The following IQSEC2 variants were observed in gnomAD, a reference collection of about 807,000 sequenced individuals.
IQSEC2 encodes IQ motif and SEC7 domain-containing protein 2.
Under a neutral mutation model 74.6 loss-of-function variants are expected in IQSEC2, and 6 were observed. That is an observed-to-expected ratio of 0.08 (90% CI 0.04 to 0.16). The LOEUF (loss-of-function observed/expected upper bound fraction) is 0.16, where lower values mean the gene tolerates loss of function less well. Among genes scored for constraint, IQSEC2 ranks in the 10% least tolerant of loss-of-function variants. The pLI, the probability that IQSEC2 is intolerant of heterozygous loss-of-function variation, is 1.00. For missense variants in IQSEC2, 734 were observed against 1,306.2 expected, an observed-to-expected ratio of 0.56 and a Z score of 6.75; for synonymous variants, 494 against 544.5, an observed-to-expected ratio of 0.91 and a Z score of 1.29.
At chrX:53,267,197 T>C in intron 2 of IQSEC2, 4 of 966,083 alleles carry the variant, frequency 4.1e-6, no homozygotes, top group Non-Finnish European at 4.1e-6. Flanking sequence ...AGAATGGGGG[T>C]CAGGGTGGGG....
intron 2 of IQSEC2, among the ~76,000 whole-genome samples, chrX:53,258,342 G>T (rs1189761894): frequency 8.9e-6 from 1 of 111,841 alleles, no homozygotes; most frequent in Non-Finnish European, 1.9e-5. Context: ...ATGACTCCCA[G>T]AATCCCAGCT....
Position 53,234,948 on chromosome X carries a change from ATGGTGGTGG to A in IQSEC2, c.3729_3737del (p.His1245_His1247del), listed in dbSNP as rs782189881. On this transcript the variant is annotated inframe_deletion, in exon 15 of 15. Coordinates refer to ENST00000642864, the MANE Select transcript of IQSEC2 (RefSeq NM_001111125.3). ...CCAGGCCACCGTGGCTATGGCCATG[ATGGTGGTGG>A]TGGTGGTGGTGGTGCGTGGAAGAAG... is the stretch of plus-strand genomic sequence containing the variant. The A allele has an allele frequency of 2.6e-6, 3 of 1,164,102 alleles. No individual in the cohort carries two copies. The highest frequency in any genetic ancestry group is 2.6e-5 in the Admixed American group (1 of 38,699).
chrX:53,287,724 G>A (rs1485985351), intron 2 of IQSEC2, among the ~76,000 whole-genome samples: 6 of 112,610 alleles, frequency 5.3e-5, no homozygotes, highest in Non-Finnish European at 9.4e-5. Context: ...AAGGGGAGGG[G>A]AAGAGAGAGA....
At chrX:53,303,193 ACT>A (rs2075228126) in intron 1 of IQSEC2, among the ~76,000 whole-genome samples, 1 of 102,214 alleles carries the variant, frequency 9.8e-6, no homozygotes, top group Non-Finnish European at 2.0e-5. Flanking sequence ...ACACAGTGAG[ACT>A]CTGTCAAAAA....
At chrX:53,313,792 T>C (rs1221076727) in intron 1 of IQSEC2, among the ~76,000 whole-genome samples, 10 of 111,770 alleles carry the variant, frequency 8.9e-5, no homozygotes, top group African/African-American at 3.3e-4. Flanking sequence ...AACAGAAGAC[T>C]TGGCATCGAG....
At chrX:53,247,286 C>T in intron 7 of IQSEC2, 151 bp from the exon 8 acceptor site, 1 of 519,301 alleles carries the variant, frequency 1.9e-6, no homozygotes, top group South Asian at 3.0e-5. Flanking sequence ...CCTAGACCAG[C>T]ATGTAAAAAT....
chrX:53,261,771 CAAAT>C (rs1471855724), intron 2 of IQSEC2, among the ~76,000 whole-genome samples: 2 of 111,666 alleles, frequency 1.8e-5, no homozygotes, highest in African/African-American at 3.3e-5. Flanking sequence ...CTATGCTACA[CAAAT>C]AACCACAGTA....
downstream of IQSEC2, chrX:53,226,056 C>T (rs1409764166): frequency 1.8e-5 from 2 of 112,812 alleles, no homozygotes; most frequent in Non-Finnish European, 3.7e-5. Flanking sequence ...TGTAAAACAC[C>T]TGTTTGCCCA....
At chrX:53,256,955 A>G (rs1556865426) in intron 2 of IQSEC2, among the ~76,000 whole-genome samples, 2 of 112,046 alleles carry the variant, frequency 1.8e-5, no homozygotes, top group African/African-American at 6.5e-5. Flanking sequence ...TGCCATGGCA[A>G]CCAGGCTGCC....
At chrX:53,269,276 G>A (rs1458512996) in intron 2 of IQSEC2, among the ~76,000 whole-genome samples, 3 of 111,635 alleles carry the variant, frequency 2.7e-5, no homozygotes, top group African/African-American at 6.5e-5. Context: ...CCGTTCCCTT[G>A]GCCAGGGCTC....
rs782346624 is a variant in IQSEC2, at chrX:53,281,146, G to C, written c.737+10749C>G. Among the ~76,000 whole-genome samples, 7 of 112,659 alleles carry C rather than the reference G, an allele frequency of 6.2e-5. No homozygotes were observed. In the South Asian group the frequency reaches 2.5e-3, roughly 41 times the overall value. On this transcript the variant is annotated intron_variant, in intron 2 of 14. Transcript: ENST00000642864. ...ATCTCTTTTGAATCTGAGACTCAGA[G>C]ACTCTTAGGCTGCTGGAATGTTGGT...
In IQSEC2 at chrX:53,265,627, C is replaced by T. The variant is rs2074644521; in HGVS notation, c.738-9566G>A. 1.8e-5 allele frequency among the ~76,000 whole-genome samples: 2 copies of T among 111,427 alleles called. 1 individual carries two copies. The highest frequency in any genetic ancestry group is 7.6e-4 in the South Asian group (2 of 2,636). On this transcript the variant is annotated intron_variant, in intron 2 of 14. Coordinates refer to ENST00000642864, the MANE Select transcript of IQSEC2 (RefSeq NM_001111125.3). ...AAAAGTCGGGGGTATGAGCCCACTT[C>T]AGACACATCATGGAAGGTGTGAGTC...
At chrX:53,295,326 C>T (rs1164685700) in intron 1 of IQSEC2, among the ~76,000 whole-genome samples, 3 of 111,447 alleles carry the variant, frequency 2.7e-5, no homozygotes, top group East Asian at 2.8e-4. Context: ...AGAATTTGGC[C>T]GGGCGCCATG....
In IQSEC2 at chrX:53,278,135, C is replaced by T. The variant is rs868988816; in HGVS notation, c.737+13760G>A. Among the ~76,000 whole-genome samples the T allele has an allele frequency of 9.5e-5, 10 of 105,617 alleles. 1 individual carries two copies. Among genetic ancestry groups the T allele is most frequent in the Middle Eastern group, 9.7e-3 (2 of 206 alleles). The allele number at this position is 105,617 out of a possible 115,157, so 91.7% of individuals were successfully genotyped here. A position where few individuals can be genotyped will look rare whatever the true frequency, so the allele number is the denominator to read the frequency against. ...AAGCCCTTCTCCTGCCTCAGCCTCT[C>T]GAGTAGCTGGGACTACAGGCACCCG... On this transcript the variant is annotated intron_variant, in intron 2 of 14. Transcript: ENST00000642864.
intron 2 of IQSEC2, among the ~76,000 whole-genome samples, chrX:53,288,466 C>G (rs201543997): frequency 1.9e-5 from 2 of 106,557 alleles, no homozygotes; most frequent in African/African-American, 6.9e-5. Context: ...CCAGCCTGGT[C>G]CCCAGGGCCA....
At chrX:53,300,308 C>T (rs949607804) in intron 1 of IQSEC2, among the ~76,000 whole-genome samples, 1 of 111,557 alleles carries the variant, frequency 9.0e-6, no homozygotes, top group Admixed American at 9.6e-5. Context: ...TAACAGGAAG[C>T]TCCCTTTCTT....
At chrX:53,249,163 T>C (rs2074349326) in intron 5 of IQSEC2, among the ~76,000 whole-genome samples, 1 of 111,247 alleles carries the variant, frequency 9.0e-6, no homozygotes, top group African/African-American at 3.3e-5. Context: ...AAAATCAGTA[T>C]CTAATGAGAG....
Position 53,235,880 on chromosome X carries a change from C to A in IQSEC2, c.3452-48G>T, listed in dbSNP as rs373318318. 4 of 1,116,075 alleles carry A rather than the reference C, an allele frequency of 3.6e-6. No homozygotes were observed. In the Admixed American group the frequency reaches 7.9e-5, roughly 22 times the overall value. The allele number at this position is 1,116,075 out of a possible 1,213,427, so 92.0% of individuals were successfully genotyped here. A position where few individuals can be genotyped will look rare whatever the true frequency, so the allele number is the denominator to read the frequency against. Reference sequence around the variant, plus strand: ...CAGCGTCAGAGCAGCAACCCCCCCCCTACCCTGCTGGGCTCCAGAGCTGGG... The same window carrying A: ...CAGCGTCAGAGCAGCAACCCCCCCCATACCCTGCTGGGCTCCAGAGCTGGG... On this transcript the variant is annotated intron_variant, in intron 13 of 14. Transcript: ENST00000642864.
chrX:53,273,773 C>A (rs1245646207), intron 2 of IQSEC2, among the ~76,000 whole-genome samples: 6 of 112,228 alleles, frequency 5.3e-5, no homozygotes, highest in Admixed American at 1.9e-4. Context: ...TACAGAGCTA[C>A]CTTTTCTTTG....
Sources: allele counts gnomAD v4.1 joint callset (sites outside exome capture counted in the v4.1 genomes callset), GRCh38; gene constraint gnomAD v4.1.1; transcripts MANE v1.5; gene names NCBI Gene and HGNC (gene_info 2026-07-23, HGNC 2026-07-21).